Variants in NEBL observed in about 807,000 individuals in gnomAD.
NEBL encodes LIM and SH3 protein 2.
NEBL carries 122 observed loss-of-function variants against 140.2 expected under a neutral mutation model. The ratio of observed to expected loss-of-function variants is 0.87; its 90% confidence interval spans 0.75 to 1.01. The LOEUF (loss-of-function observed/expected upper bound fraction) is 1.01. Ranked by LOEUF, NEBL falls within the 50% of genes least tolerant of loss-of-function variation. The pLI is 0.00. For synonymous variants in NEBL, 436 were observed against 398.9 expected (o/e 1.09, Z -1.11); for missense variants, 1,365 against 1,231.3 (o/e 1.11, Z -1.62).
chr10:21,017,610 A>T (rs1031187164), intron 3 of NEBL, among the ~76,000 whole-genome samples: 3 of 152,142 alleles, frequency 2.0e-5, no homozygotes, highest in Admixed American at 6.5e-5. Context: ...TGCATCTCCA[A>T]AGTCAGGCAT....
At chr10:21,227,431 G>A (rs186515937) in intron 3 of NEBL, among the ~76,000 whole-genome samples, 17 of 152,170 alleles carry the variant, frequency 1.1e-4, no homozygotes, top group African/African-American at 4.1e-4. Flanking sequence ...TAATTTAAAG[G>A]AGGTGAACAA....
At chr10:21,091,816 G>A (rs1000650907) in intron 2 of NEBL, among the ~76,000 whole-genome samples, 1 of 152,064 alleles carries the variant, frequency 6.6e-6, no homozygotes. Context: ...ATTTTTTGTA[G>A]AAATGGAGTC....
At chr10:20,827,259 C>G (rs1839966548) in intron 17 of NEBL, among the ~76,000 whole-genome samples, 1 of 152,170 alleles carries the variant, frequency 6.6e-6, no homozygotes. Flanking sequence ...GGTGGGAGAG[C>G]ACGGTAGGAG....
intron 2 of NEBL, chr10:21,126,094 T>A: frequency 6.2e-7 from 1 of 1,613,332 alleles, no homozygotes; most frequent in Non-Finnish European, 8.5e-7. Context: ...CCTCAGGCCC[T>A]TCTCGGCTCT....
At chr10:20,901,710 C>T (rs907335588), upstream of NEBL, among the ~76,000 whole-genome samples, 1 of 152,134 alleles carries the variant, frequency 6.6e-6, no homozygotes, top group African/African-American at 2.4e-5. Flanking sequence ...TGTTTCCCTG[C>T]CATGATGGTT....
chr10:20,857,726 C>T (rs1016268206), intron 9 of NEBL, among the ~76,000 whole-genome samples: 3 of 152,174 alleles, frequency 2.0e-5, no homozygotes, highest in South Asian at 2.1e-4. Flanking sequence ...TCACCTTTCT[C>T]TTCTGGTTGC....
intron 2 of NEBL, among the ~76,000 whole-genome samples, chr10:21,054,419 C>T (rs529548559): frequency 3.4e-4 from 52 of 152,130 alleles, no homozygotes; most frequent in Non-Finnish European, 6.5e-4. Context: ...AACCGTTTGC[C>T]CCAAGCATTT....
intron 3 of NEBL, among the ~76,000 whole-genome samples, chr10:20,978,800 A>G (rs1176252418): frequency 6.6e-6 from 1 of 152,128 alleles, no homozygotes; most frequent in African/African-American, 2.4e-5. Context: ...CCAGTAATCA[A>G]AACAATTGCT....
rs78371009 is a variant in NEBL, at chr10:21,148,121, G to T, written c.164+24262C>A. 4.6e-3 allele frequency among the ~76,000 whole-genome samples: 702 copies of T among 152,294 alleles called. 3 individuals carry two copies. Among genetic ancestry groups the T allele is most frequent in the African/African-American group, 0.016 (683 of 41,564 alleles). On this transcript the variant is annotated intron_variant, in intron 2 of 6. Transcript: ENST00000417816. Reference sequence around the variant, plus strand: ...CCAGACCATCCCTGTTGACAGTTGAGGCCTAAAGGACAAAAAGTCATCAAC... The same window carrying T: ...CCAGACCATCCCTGTTGACAGTTGATGCCTAAAGGACAAAAAGTCATCAAC...
chr10:20,914,435 A>G (rs1457173818), intron 4 of NEBL, among the ~76,000 whole-genome samples: 1 of 152,238 alleles, frequency 6.6e-6, no homozygotes, highest in Non-Finnish European at 1.5e-5. Context: ...TATGTTTCCT[A>G]TAAATCCCTT....
At chr10:20,973,602 C>G (rs889288830) in intron 3 of NEBL, among the ~76,000 whole-genome samples, 14 of 152,090 alleles carry the variant, frequency 9.2e-5, no homozygotes, top group Admixed American at 4.6e-4. Context: ...TTTGATCTAC[C>G]CAAATCCTCC....
At chr10:21,291,909 A>G (rs1326174843) in intron 1 of NEBL, among the ~76,000 whole-genome samples, 1 of 152,222 alleles carries the variant, frequency 6.6e-6, no homozygotes, top group African/African-American at 2.4e-5. Flanking sequence ...CGTCTCAAAA[A>G]TAAAAATAAA....
intron 2 of NEBL, chr10:21,110,856 C>T: frequency 1.6e-6 from 1 of 614,544 alleles, no homozygotes; most frequent in Non-Finnish European, 3.1e-6. Flanking sequence ...CAATGAATTA[C>T]AAATGCAGTC....
intron 4 of NEBL, among the ~76,000 whole-genome samples, chr10:20,938,434 T>A (rs560221367): frequency 6.6e-6 from 1 of 152,050 alleles, no homozygotes; most frequent in Non-Finnish European, 1.5e-5. Context: ...CAAAAACCCA[T>A]CTGTACATCA....
intron 3 of NEBL, among the ~76,000 whole-genome samples, chr10:20,999,125 T>C (rs1837781849): frequency 7.1e-6 from 1 of 140,372 alleles, no homozygotes; most frequent in South Asian, 2.2e-4. Context: ...GCTTTTACCA[T>C]ACAAAAACTG....
intron 3 of NEBL, among the ~76,000 whole-genome samples, chr10:21,187,576 T>A (rs948962552): frequency 4.6e-5 from 7 of 152,048 alleles, no homozygotes; most frequent in African/African-American, 1.7e-4. Flanking sequence ...TGCAGTAGCA[T>A]GATCACGGCT....
At chr10:20,795,709 A>C (rs1836439421) in intron 26 of NEBL, among the ~76,000 whole-genome samples, 2 of 152,172 alleles carry the variant, frequency 1.3e-5, no homozygotes, top group South Asian at 4.1e-4. Flanking sequence ...ATGTGACTTC[A>C]ACCACATTCC....
At chr10:21,141,920 G>A (rs955478507) in intron 2 of NEBL, among the ~76,000 whole-genome samples, 1 of 152,076 alleles carries the variant, frequency 6.6e-6, no homozygotes, top group Non-Finnish European at 1.5e-5. Context: ...CACCTCCCAC[G>A]CCTTCAGCAG....
At chr10:21,033,734 T>C (rs1227054955) in intron 2 of NEBL, among the ~76,000 whole-genome samples, 3 of 117,422 alleles carry the variant, frequency 2.6e-5, no homozygotes, top group Non-Finnish European at 5.5e-5. Flanking sequence ...AGCGAGACTT[T>C]GTCTCCGAAA....
Sources: allele counts gnomAD v4.1 joint callset (sites outside exome capture counted in the v4.1 genomes callset), GRCh38; gene constraint gnomAD v4.1.1; transcripts MANE v1.5; gene names NCBI Gene and HGNC (gene_info 2026-07-23, HGNC 2026-07-21).